NCALD: variants seen among roughly 807,000 people sequenced by gnomAD.
NCALD encodes the protein neurocalcin delta.
In NCALD, 10 loss-of-function variants were observed where a neutral mutation model predicts 18.6. The ratio of observed to expected loss-of-function variants is 0.54; its 90% confidence interval spans 0.33 to 0.91. NCALD has a LOEUF of 0.91. NCALD is among the 40% of genes least tolerant of loss of function. NCALD has a pLI of 0.03. For missense variants in NCALD, 184 were observed against 247.6 expected, an observed-to-expected ratio of 0.74 and a Z score of 1.72; for synonymous variants, 88 against 87.4, an observed-to-expected ratio of 1.01 and a Z score of -0.04.
chr8:102,089,796 A>C (rs1824863116), intron 1 of NCALD, among the ~76,000 whole-genome samples: 1 of 152,208 alleles, frequency 6.6e-6, no homozygotes, highest in African/African-American at 2.4e-5. Context: ...TTTGTGAAAA[A>C]TTTATCTCAT....
intron 2 of NCALD, among the ~76,000 whole-genome samples, chr8:102,009,763 C>CT (rs1821841288): frequency 6.6e-6 from 1 of 152,206 alleles, no homozygotes; most frequent in East Asian, 1.9e-4. Context: ...AATCGATGAG[C>CT]TTCTAAGGGC....
intron 3 of NCALD, among the ~76,000 whole-genome samples, chr8:101,889,407 T>G (rs958343434): frequency 6.6e-6 from 1 of 152,376 alleles, no homozygotes; most frequent in Non-Finnish European, 1.5e-5. Flanking sequence ...GATCAAGGCT[T>G]AAACACAAGC....
At chr8:102,050,310 A>G (rs557281316) in intron 1 of NCALD, among the ~76,000 whole-genome samples, 19 of 150,906 alleles carry the variant, frequency 1.3e-4, no homozygotes, top group African/African-American at 4.6e-4. Context: ...TTGTCTTTTC[A>G]TTCTCTTAAT....
chr8:101,940,351 G>A (rs79434141), intron 2 of NCALD, among the ~76,000 whole-genome samples: 1,604 of 152,192 alleles, frequency 0.011, 19 homozygotes, highest in African/African-American at 0.031. Flanking sequence ...AAAATTTAGC[G>A]ACACCCTTAT....
intron 3 of NCALD, among the ~76,000 whole-genome samples, chr8:101,910,433 G>A (rs186064985): frequency 7.2e-6 from 1 of 139,686 alleles, no homozygotes; most frequent in Non-Finnish European, 1.5e-5. Context: ...AGGGCCCCAA[G>A]AATAGTACCA....
intron 1 of NCALD, among the ~76,000 whole-genome samples, chr8:102,032,532 A>C (rs1322136538): frequency 1.3e-5 from 2 of 151,562 alleles, no homozygotes; most frequent in Non-Finnish European, 2.9e-5. Context: ...AAAGATGGCC[A>C]GAAGTACAAA....
chr8:102,013,284 T>A (rs572580765), intron 2 of NCALD, among the ~76,000 whole-genome samples: 1 of 152,300 alleles, frequency 6.6e-6, no homozygotes, highest in Non-Finnish European at 1.5e-5. Context: ...TGAAAGAAGA[T>A]CTCAGCAATC....
chr8:102,001,752 C>T (rs1342844628), intron 2 of NCALD, among the ~76,000 whole-genome samples: 3 of 152,162 alleles, frequency 2.0e-5, no homozygotes, highest in Non-Finnish European at 4.4e-5. Context: ...ATTTTCAACC[C>T]AGAATTTCAT....
intron 4 of NCALD, among the ~76,000 whole-genome samples, chr8:101,828,173 C>T (rs77828225): frequency 0.02 from 3,103 of 152,240 alleles, 84 homozygotes; most frequent in African/African-American, 0.069. Flanking sequence ...TCCTCCATAA[C>T]GCAGCCAGAA....
At chr8:101,954,556 A>G (rs1006860808) in intron 2 of NCALD, among the ~76,000 whole-genome samples, 1 of 152,150 alleles carries the variant, frequency 6.6e-6, no homozygotes. Flanking sequence ...CGAAAGGATG[A>G]CTGCATTGTT....
intron 1 of NCALD, among the ~76,000 whole-genome samples, chr8:102,064,873 A>T (rs1823954217): frequency 6.6e-6 from 1 of 152,082 alleles, no homozygotes; most frequent in Non-Finnish European, 1.5e-5. Flanking sequence ...GCTCTTCCCT[A>T]GGTGTCTCCC....
intron 1 of NCALD, among the ~76,000 whole-genome samples, chr8:101,735,682 G>A (rs562125278): frequency 2.0e-5 from 3 of 152,306 alleles, no homozygotes; most frequent in East Asian, 1.9e-4. Context: ...GCTAACTCTA[G>A]TAATCCACAT....
At chr8:102,076,262 T>C (rs1587027839) in intron 1 of NCALD, among the ~76,000 whole-genome samples, 1 of 152,330 alleles carries the variant, frequency 6.6e-6, no homozygotes. Flanking sequence ...TTTAAAATGT[T>C]TGTAAAATAG....
chr8:101,751,126 C>T (rs56907672), intron 1 of NCALD, among the ~76,000 whole-genome samples: 2,574 of 152,120 alleles, frequency 0.017, 100 homozygotes, highest in East Asian at 0.11. Context: ...TAAACAAATG[C>T]GGCAGATACA....
intron 4 of NCALD, among the ~76,000 whole-genome samples, chr8:101,850,716 T>C (rs566378467): frequency 4.6e-5 from 7 of 152,314 alleles, no homozygotes; most frequent in African/African-American, 1.4e-4. Flanking sequence ...CACTTTCAAT[T>C]ACAGTATATA....
intron 2 of NCALD, among the ~76,000 whole-genome samples, chr8:101,964,882 G>A (rs1205747370): frequency 6.6e-6 from 1 of 152,152 alleles, no homozygotes; most frequent in Non-Finnish European, 1.5e-5. Context: ...AAGGAAGAAT[G>A]ACTCCAAAAG....
rs1177736232 is a variant in NCALD at position 101,719,641 on chromosome 8, G to C, written c.-12C>G. On this transcript the variant is annotated 5_prime_UTR_variant, in exon 2 of 4. Coordinates refer to ENST00000220931, the MANE Select transcript of NCALD (RefSeq NM_032041.3). ...TTCTGTTTCCCCATCCTGGCGGCAA[G>C]AATTCAGCTGCAGATAGAAAAGAAA... 6.4e-7 allele frequency: 1 copy of C among 1,555,238 alleles called. No individual in the cohort carries two copies. The highest frequency in any genetic ancestry group is 1.4e-5 in the African/African-American group (1 of 72,248).
At chr8:102,111,920 G>A (rs1449580318) in intron 1 of NCALD, among the ~76,000 whole-genome samples, 1 of 152,112 alleles carries the variant, frequency 6.6e-6, no homozygotes, top group East Asian at 1.9e-4. Context: ...TGAATTATGG[G>A]TGATAACACT....
chr8:101,949,252 A>G (rs569073707), intron 2 of NCALD, among the ~76,000 whole-genome samples: 2 of 152,266 alleles, frequency 1.3e-5, no homozygotes, highest in South Asian at 4.1e-4. Context: ...CTTATCCAAG[A>G]GATCAAGAAA....
Sources: allele counts gnomAD v4.1 joint callset (sites outside exome capture counted in the v4.1 genomes callset), GRCh38; gene constraint gnomAD v4.1.1; transcripts MANE v1.5; gene names NCBI Gene and HGNC (gene_info 2026-07-23, HGNC 2026-07-21).